Variants in DNAJC10 observed in about 807,000 individuals in gnomAD.
DNAJC10 encodes DnaJ heat shock protein family (Hsp40) member C10, also known as endoplasmic reticulum disulfide reductase DNAJC10.
A neutral mutation model predicts 115.0 loss-of-function variants in DNAJC10; 101 were observed. The ratio of observed to expected loss-of-function variants is 0.88; its 90% CI spans 0.75 to 1.04. The LOEUF is 1.04. Among genes scored for constraint, DNAJC10 ranks in the 50% least tolerant of loss-of-function variants. The pLI, the probability that DNAJC10 is intolerant of heterozygous loss-of-function variation, is 0.00. For missense variants in DNAJC10, 981 were observed against 928.8 expected, an observed-to-expected ratio of 1.06 and a Z score of -0.73; for synonymous variants, 307 against 301.5, an observed-to-expected ratio of 1.02 and a Z score of -0.19.
At chr2:182,762,920 A>G (rs879585741) in intron 22 of DNAJC10, 119 bp downstream of exon 22, 3 of 1,136,102 alleles carry the variant, frequency 2.6e-6, no homozygotes, top group East Asian at 2.7e-5. Flanking sequence ...ATATTATTAC[A>G]TATTACTGAT....
intron 21 of DNAJC10, among the ~76,000 whole-genome samples, chr2:182,761,400 G>A (rs1209336837): frequency 1.3e-5 from 2 of 152,152 alleles, no homozygotes; most frequent in Non-Finnish European, 2.9e-5. Context: ...ATGCAAGTGT[G>A]TGTGTCTGCC....
In DNAJC10 at chr2:182,792,304, G is replaced by T. The variant is rs546131964; in HGVS notation, c.*15172G>T. On this transcript the variant is annotated 3_prime_UTR_variant, in exon 24 of 24. Transcript: ENST00000264065. ...TATTAAATGAGGATTACAGTAGTTG[G>T]TTATCTTTGTGAGGGGTTTTGAGGG... 1.3e-5 allele frequency: 2 copies of T among 152,256 alleles called. No individual in the cohort carries two copies. The highest frequency in any genetic ancestry group is 4.1e-4 in the South Asian group (2 of 4,826). The allele number at this position is 152,256 out of a possible 1,614,324, so 9.4% of individuals were successfully genotyped here.
In DNAJC10 at chr2:182,718,054, T is replaced by G. The variant is rs1693041900; in HGVS notation, c.-33T>G. On this transcript the variant is annotated 5_prime_UTR_variant, in exon 3 of 24. Transcript: ENST00000264065. The stretch of plus-strand genomic sequence containing the variant: ...CTGGAACCAGCAGTGAATCTTAATG[T>G]TCACTTAAATCAGAACTTGCATAAG... 1 of 1,518,132 alleles carries G rather than the reference T, an allele frequency of 6.6e-7. No homozygotes were observed. The highest frequency in any genetic ancestry group is 1.9e-5 in the Admixed American group (1 of 53,108). 94.0% of individuals were successfully genotyped at this position (1,518,132 alleles called of 1,614,324 possible).
chr2:182,749,773 G>A (rs1203460344), intron 14 of DNAJC10, among the ~76,000 whole-genome samples: 2 of 152,132 alleles, frequency 1.3e-5, no homozygotes, highest in Non-Finnish European at 2.9e-5. Flanking sequence ...AAAACTCAGT[G>A]GTTTAAAACA....
At chr2:182,747,936 T>G (rs1488879124) in intron 14 of DNAJC10, among the ~76,000 whole-genome samples, 2 of 151,820 alleles carry the variant, frequency 1.3e-5, no homozygotes, top group African/African-American at 4.9e-5. Context: ...GTTTTTAGCA[T>G]GAAGGGTTGT....
rs288305 is a variant in DNAJC10 at position 182,787,601 on chromosome 2, C to T, written c.*10469C>T. 0.68 allele frequency: 102,844 copies of T among 152,022 alleles called. 35,504 individuals are homozygous for T. Among genetic ancestry groups the T allele is most frequent in the African/African-American group, 0.8 (33,300 of 41,480 alleles). 9.4% of individuals were successfully genotyped at this position (152,022 alleles called of 1,614,324 possible). A position where few individuals can be genotyped will look rare whatever the true frequency, so the allele number is the denominator to read the frequency against. ...AGACATTTAATTTAGTCAAAATAGG[C>T]ATGGGAATGAAAGTGAGACTTAGAG... On this transcript the variant is annotated 3_prime_UTR_variant, in exon 24 of 24. Transcript: ENST00000264065.
intron 5 of DNAJC10, among the ~76,000 whole-genome samples, chr2:182,727,928 G>C (rs970936138): frequency 6.6e-6 from 1 of 152,098 alleles, no homozygotes; most frequent in African/African-American, 2.4e-5. Flanking sequence ...GATATTATAT[G>C]TTGTTCAAAT....
chr2:182,721,174 T>C (rs13415024), intron 4 of DNAJC10, among the ~76,000 whole-genome samples: 5,773 of 152,234 alleles, frequency 0.038, 393 homozygotes, highest in African/African-American at 0.13. Flanking sequence ...GCTTCTGTAT[T>C]AGACTAAATG....
Position 182,740,288 on chromosome 2 carries a change from T to G in DNAJC10, c.988-11T>G, listed in dbSNP as rs766512124. On this transcript the variant is annotated splice_polypyrimidine_tract_variant and intron_variant, in intron 11 of 23. Coordinates refer to ENST00000264065, the MANE Select transcript of DNAJC10 (RefSeq NM_018981.4). ...ATTCAAAAAGATTACAATGTGATTT[T>G]CTTTTTCTAGTTTCTCAACTCATTG... 1 of 1,388,520 alleles carries G rather than the reference T, an allele frequency of 7.2e-7. No individual in the cohort carries two copies. The highest frequency in any genetic ancestry group is 9.7e-7 in the Non-Finnish European group (1 of 1,028,090). 86.0% of individuals were successfully genotyped at this position (1,388,520 alleles called of 1,614,324 possible).
chr2:182,745,729 A>C (rs765571830), intron 14 of DNAJC10, among the ~76,000 whole-genome samples: 5 of 150,156 alleles, frequency 3.3e-5, no homozygotes, highest in Admixed American at 3.3e-4. Context: ...TTTTTATTTG[A>C]ATTTTTTTTT....
chr2:182,729,056 G>GA (rs1229299996), intron 7 of DNAJC10, 62 bp downstream of exon 7: 1 of 1,505,460 alleles, frequency 6.6e-7, no homozygotes, highest in African/African-American at 1.4e-5. Context: ...AAATAGTAGA[G>GA]AAAATAACAG....
intron 16 of DNAJC10, chr2:182,752,546 A>G (rs1694050169): frequency 1.1e-6 from 1 of 895,670 alleles, no homozygotes; most frequent in East Asian, 1.2e-4. Flanking sequence ...TCATACTTCT[A>G]AGTATATTTG....
intron 9 of DNAJC10, among the ~76,000 whole-genome samples, chr2:182,731,754 A>T (rs1233397984): frequency 2.0e-5 from 3 of 152,188 alleles, no homozygotes; most frequent in Non-Finnish European, 4.4e-5. Flanking sequence ...TGCTATATTG[A>T]AAAGGTACTG....
At chr2:182,748,022 T>C (rs1327473242) in intron 14 of DNAJC10, among the ~76,000 whole-genome samples, 25 of 136,798 alleles carry the variant, frequency 1.8e-4, no homozygotes, top group Middle Eastern at 3.6e-3. Context: ...GTTTATATGC[T>C]GGATTACATT....
In DNAJC10 at chr2:182,786,947, T is replaced by C. The variant is rs1022112489; in HGVS notation, c.*9815T>C. 3 of 152,252 alleles carry C rather than the reference T, an allele frequency of 2.0e-5. No individual in the cohort carries two copies. The East Asian group carries it at 5.8e-4, about 29-fold the overall frequency. 9.4% of individuals were successfully genotyped at this position (152,252 alleles called of 1,614,324 possible). A position where few individuals can be genotyped will look rare whatever the true frequency, so the allele number is the denominator to read the frequency against. ...CACTTATAAAAGAGACCCCAGTATC[T>C]TGCTCGTCCCTTCTGCCATGGGAGA... is the stretch of plus-strand genomic sequence containing the variant. On this transcript the variant is annotated 3_prime_UTR_variant, in exon 24 of 24. Transcript: ENST00000264065.
chr2:182,772,411 G>A (rs997358112), intron 22 of DNAJC10, among the ~76,000 whole-genome samples: 2 of 152,134 alleles, frequency 1.3e-5, no homozygotes, highest in African/African-American at 2.4e-5. Context: ...TATTAACAGT[G>A]TGGTGTTAAA....
At chr2:182,754,841 A>C in intron 16 of DNAJC10, 162 bp from the exon 17 acceptor site, 2 of 1,368,228 alleles carry the variant, frequency 1.5e-6, no homozygotes, top group Non-Finnish European at 9.6e-7. Context: ...CATCACCATA[A>C]GTCCTTTGCT....
intron 14 of DNAJC10, among the ~76,000 whole-genome samples, chr2:182,751,129 A>C (rs1352015281): frequency 7.5e-4 from 49 of 65,492 alleles, no homozygotes; most frequent in African/African-American, 3.4e-3. Flanking sequence ...AGAGATTTTG[A>C]CTTTTTTTTT....
In DNAJC10 at chr2:182,741,315, CT is replaced by C. The variant is rs1405466697; in HGVS notation, c.1151del (p.Leu384ArgfsTer4). Reference protein sequence around the residue: ...GKNENSNDPELKKLKTLLKND... With the variant: ...GKNENSNDPEXKKLKTLLKND... ...AAATGAAAATTCAAATGATCCTGAG[CT>C]GAAAAAACTAAAAACTCTACTTAAA... On this transcript the variant is annotated frameshift_variant, in exon 13 of 24. Coordinates refer to ENST00000264065, the MANE Select transcript of DNAJC10 (RefSeq NM_018981.4). LOFTEE classifies it high-confidence loss of function. The C allele has an allele frequency of 6.3e-7, 1 of 1,598,172 alleles. No homozygotes were observed. The highest frequency in any genetic ancestry group is 1.7e-5 in the Admixed American group (1 of 57,728).
Sources: gnomAD v4.1 joint callset for allele counts (sites outside exome capture counted in the v4.1 genomes callset) on GRCh38, gnomAD v4.1.1 for gene constraint, MANE v1.5 for transcripts, NCBI Gene and HGNC (gene_info 2026-07-23, HGNC 2026-07-21) for gene names.